DPYSL2: variants seen among roughly 807,000 people sequenced by gnomAD.
DPYSL2 encodes the protein dihydropyrimidinase-related protein 2.
DPYSL2 carries 13 observed loss-of-function variants against 69.9 expected under a neutral mutation model. That is an observed-to-expected ratio of 0.19 (90% CI 0.12 to 0.30). DPYSL2 has a LOEUF of 0.30. Ranked by LOEUF, DPYSL2 falls within the 10% of genes least tolerant of loss-of-function variation. The probability of loss-of-function intolerance (pLI) is 1.00; values close to 1 mark genes in which losing one functional copy is unlikely to be tolerated. For missense variants in DPYSL2, 587 were observed against 918.9 expected (o/e 0.64, Z 4.67); for synonymous variants, 326 against 359.1 (o/e 0.91, Z 1.04).
chr8:26,515,326 C>A (rs1808262021), intron 1 of DPYSL2, among the ~76,000 whole-genome samples: 1 of 152,160 alleles, frequency 6.6e-6, no homozygotes, highest in African/African-American at 2.4e-5. Context: ...TCCTAAATAG[C>A]CTATGTGGGG....
chr8:26,515,699 C>T (rs1324198074), intron 1 of DPYSL2, among the ~76,000 whole-genome samples: 1 of 152,202 alleles, frequency 6.6e-6, no homozygotes, highest in Non-Finnish European at 1.5e-5. Context: ...GCCTTAATTT[C>T]TTAACTGATA....
Position 26,610,864 on chromosome 8 carries a change from A to G in DPYSL2, c.629-13279A>G, listed in dbSNP as rs1043937982. Among the ~76,000 whole-genome samples the G allele has an allele frequency of 1.3e-5, 2 of 152,186 alleles. No individual in the cohort carries two copies. The highest frequency in any genetic ancestry group is 2.1e-4 in the South Asian group (1 of 4,830). On this transcript the variant is annotated intron_variant, in intron 3 of 13. Transcript: ENST00000521913. The surrounding 1 kb of genome is among the most constrained non-coding windows in gnomAD (Gnocchi z 4.5). ...GTTAGCTGTTCGTAGATACTATTTC[A>G]GAACAATGCTGTGAGTAGATACTAT... is the stretch of plus-strand genomic sequence containing the variant.
chr8:26,528,339 G>A (rs148085183), intron 1 of DPYSL2, among the ~76,000 whole-genome samples: 37 of 152,220 alleles, frequency 2.4e-4, no homozygotes, highest in Middle Eastern at 6.8e-3. Flanking sequence ...ACACAGATAT[G>A]TAAATGACTG....
Position 26,627,269 on chromosome 8 carries a change from G to A in DPYSL2, c.910G>A (p.Ala304Thr), listed in dbSNP as rs765160936. ...RDIGAIAQVH[A>T]ENGDIIAEEQ... is the part of the protein sequence containing the mutation. Reference sequence around the variant, plus strand: ...TATTGGCGCCATAGCCCAAGTCCACGCAGAAAATGGCGACATCATTGCAGA... The same window carrying A: ...TATTGGCGCCATAGCCCAAGTCCACACAGAAAATGGCGACATCATTGCAGA... Residue 304 changes from alanine to threonine, a missense_variant, in exon 6 of 14, where the codon GCA becomes ACA. Physicochemically the swap from Ala to Thr is moderately conservative, Grantham distance 58. This residue lies in a region of DPYSL2 where 452 missense variants were observed against 754.3 expected (regional missense o/e 0.60). Transcript: ENST00000521913. The surrounding 1 kb of genome is among the most constrained non-coding windows in gnomAD (Gnocchi z 6.9). The A allele has an allele frequency of 2.5e-6, 4 of 1,614,162 alleles. No homozygotes were observed. The highest frequency in any genetic ancestry group is 1.1e-5 in the South Asian group (1 of 91,082).
Position 26,644,246 on chromosome 8 carries a change from T to G in DPYSL2, c.1425+155T>G, listed in dbSNP as rs560931810. ...TGACAATATTTCTGAGGGTTGGAAA[T>G]CTAAGACCTCTTCTAATAGGTCATT... On this transcript the variant is annotated intron_variant, in intron 10 of 13. Transcript: ENST00000521913. This position sits in a 1 kb window ranked among gnomAD's most constrained non-coding sequence, Gnocchi z 4.5. 1.3e-5 allele frequency among the ~76,000 whole-genome samples: 2 copies of G among 152,338 alleles called. No homozygotes were observed. The highest frequency in any genetic ancestry group is 2.1e-4 in the South Asian group (1 of 4,832).
intron 7 of DPYSL2, 21 bp from the exon 8 acceptor site, chr8:26,634,759 T>C (rs1203915016): frequency 2.5e-6 from 4 of 1,613,842 alleles, no homozygotes; most frequent in East Asian, 4.5e-5. Flanking sequence ...CACATTCTCA[T>C]GCTCTGCTGC....
At chr8:26,555,926 T>A (rs918302096) in intron 1 of DPYSL2, among the ~76,000 whole-genome samples, 1 of 132,376 alleles carries the variant, frequency 7.6e-6, no homozygotes, top group East Asian at 2.1e-4. Flanking sequence ...TATTAGCATA[T>A]ATACACATAT....
Position 26,627,190 on chromosome 8 carries a change from G to A in DPYSL2, c.856-25G>A. ...CAGGAAGATGGAAGTCCCTGTCTCTGATCCCACCCTTGTCTCTCTCTCAGA... is the reference window on the plus strand; with the variant it reads ...CAGGAAGATGGAAGTCCCTGTCTCTAATCCCACCCTTGTCTCTCTCTCAGA... On this transcript the variant is annotated intron_variant, in intron 5 of 13. Transcript: ENST00000521913. The surrounding 1 kb of genome is among the most constrained non-coding windows in gnomAD (Gnocchi z 6.9). 6.2e-7 allele frequency: 1 copy of A among 1,610,848 alleles called. No individual in the cohort carries two copies. The highest frequency in any genetic ancestry group is 1.3e-5 in the African/African-American group (1 of 75,006).
At position 26,514,854 on chromosome 8, in the gene DPYSL2, G is replaced by C. The variant is rs1312149239; in HGVS notation, c.354+175G>C. Among the ~76,000 whole-genome samples the C allele has an allele frequency of 3.9e-5, 6 of 152,146 alleles. No individual in the cohort carries two copies. The highest frequency in any genetic ancestry group is 5.9e-5 in the Non-Finnish European group (4 of 68,008). ...CCGCGCAGGGTGCGGCGAGGCTCGG[G>C]CTGGGCGGTGGGCGGCCGTGCGCCC... is the stretch of plus-strand genomic sequence containing the variant. On this transcript the variant is annotated intron_variant, in intron 1 of 13. Coordinates refer to ENST00000521913, the MANE Select transcript of DPYSL2 (RefSeq NM_001197293.3). This position sits in a 1 kb window ranked among gnomAD's most constrained non-coding sequence, Gnocchi z 8.4.
At chr8:26,522,630 G>A (rs1808407327) in intron 1 of DPYSL2, among the ~76,000 whole-genome samples, 1 of 151,970 alleles carries the variant, frequency 6.6e-6, no homozygotes, top group African/African-American at 2.4e-5. Context: ...CTGCTTTATG[G>A]GCCGTTTGTG....
chr8:26,654,605 T>C lies in DPYSL2; in HGVS notation c.1943-1010T>C, dbSNP rs2130003279. Among the ~76,000 whole-genome samples the C allele has an allele frequency of 6.6e-6, 1 of 152,304 alleles. No individual in the cohort carries two copies. The highest frequency in any genetic ancestry group is 1.9e-4 in the East Asian group (1 of 5,182). On this transcript the variant is annotated intron_variant, in intron 13 of 13. Transcript: ENST00000521913. The surrounding 1 kb of genome is among the most constrained non-coding windows in gnomAD (Gnocchi z 5.0). ...TTCCAATATAAGGTGCCATCGTTCC[T>C]CCTACTTGTGATTATATGTGTAGGA... is the stretch of plus-strand genomic sequence containing the variant.
rs1248210695 is a variant in DPYSL2, at chr8:26,640,786, T to G, written c.1127-2653T>G. ...CCACAGGATGGCTCCATCCCTCCCC[T>G]GGCATCCACTGCCCCTGCCCCTGAA... On this transcript the variant is annotated intron_variant, in intron 8 of 13. Coordinates refer to ENST00000521913, the MANE Select transcript of DPYSL2 (RefSeq NM_001197293.3). The surrounding 1 kb of genome is among the most constrained non-coding windows in gnomAD (Gnocchi z 4.2). 1.3e-5 allele frequency among the ~76,000 whole-genome samples: 2 copies of G among 152,164 alleles called. No individual in the cohort carries two copies. The highest frequency in any genetic ancestry group is 2.4e-5 in the African/African-American group (1 of 41,434).
intron 1 of DPYSL2, among the ~76,000 whole-genome samples, chr8:26,545,890 A>T (rs1397036284): frequency 6.6e-6 from 1 of 152,172 alleles, no homozygotes; most frequent in Admixed American, 6.6e-5. Flanking sequence ...TGTCTTGACA[A>T]CCATAGCTTT....
At chr8:26,622,809 G>A (rs945761940) in intron 3 of DPYSL2, among the ~76,000 whole-genome samples, 1 of 152,108 alleles carries the variant, frequency 6.6e-6, no homozygotes, top group Non-Finnish European at 1.5e-5. Flanking sequence ...AAGCCCAGTT[G>A]ATCAGAATTT....
chr8:26,518,131 A>T (rs1808323381), intron 1 of DPYSL2, among the ~76,000 whole-genome samples: 2 of 152,370 alleles, frequency 1.3e-5, no homozygotes, highest in Middle Eastern at 3.4e-3. Flanking sequence ...CTGATGCCCA[A>T]GTTGTCCCCA....
At chr8:26,547,064 A>C (rs1208709289) in intron 1 of DPYSL2, among the ~76,000 whole-genome samples, 1 of 151,876 alleles carries the variant, frequency 6.6e-6, no homozygotes, top group Admixed American at 6.6e-5. Context: ...CCATACACAG[A>C]ATCAAAGCTT....
In DPYSL2 at chr8:26,617,950, G is replaced by C. The variant is rs1802392918; in HGVS notation, c.629-6193G>C. Among the ~76,000 whole-genome samples the C allele has an allele frequency of 2.0e-5, 3 of 152,106 alleles. No individual in the cohort carries two copies. The highest frequency in any genetic ancestry group is 2.9e-5 in the Non-Finnish European group (2 of 68,016). On this transcript the variant is annotated intron_variant, in intron 3 of 13. Transcript: ENST00000521913. The surrounding 1 kb of genome is among the most constrained non-coding windows in gnomAD (Gnocchi z 4.7). ...GCAATGGTTGTAAAGCTCTGTGAGT[G>C]AACTAAAAGCCACCGGGTTATACCC...
At chr8:26,547,836 G>T in intron 1 of DPYSL2, 1 of 352,200 alleles carries the variant, frequency 2.8e-6, no homozygotes, top group South Asian at 2.6e-5. Flanking sequence ...TCATATATCT[G>T]AATCAGCTCT....
chr8:26,602,469 A>G (rs1802014955), intron 3 of DPYSL2, among the ~76,000 whole-genome samples: 1 of 152,062 alleles, frequency 6.6e-6, no homozygotes, highest in South Asian at 2.1e-4. Context: ...AATGGAGAGT[A>G]TTATGCTAGA....
Sources: gnomAD v4.1 joint callset for allele counts (sites outside exome capture counted in the v4.1 genomes callset) on GRCh38, gnomAD v4.1.1 for gene constraint, gnomAD v4.1.1 regional missense constraint, Gnocchi (gnomAD v3.1) non-coding constraint, MANE v1.5 for transcripts, NCBI Gene and HGNC (gene_info 2026-07-23, HGNC 2026-07-21) for gene names.